The following RNFT2 variants were observed in gnomAD, a reference collection of about 807,000 sequenced individuals.
RNFT2 encodes E3 ubiquitin-protein ligase RNFT2.
In RNFT2, 36 loss-of-function variants were observed where a neutral mutation model predicts 53.0. The ratio of observed to expected loss-of-function variants is 0.68; its 90% CI spans 0.52 to 0.90. RNFT2 has a LOEUF of 0.90. Ranked by LOEUF, RNFT2 falls within the 40% of genes least tolerant of loss-of-function variation. The probability of loss-of-function intolerance (pLI) is 0.00; values close to 1 mark genes in which losing one functional copy is unlikely to be tolerated. For missense variants in RNFT2, 514 were observed against 585.6 expected, an observed-to-expected ratio of 0.88 and a Z score of 1.26; for synonymous variants, 260 against 253.2, an observed-to-expected ratio of 1.03 and a Z score of -0.26.
chr12:116,788,737 G>A (rs1874053498), intron 7 of RNFT2, among the ~76,000 whole-genome samples: 1 of 152,162 alleles, frequency 6.6e-6, no homozygotes, highest in African/African-American at 2.4e-5. Context: ...ATGTGTGTTT[G>A]AGTGGGTAGA....
At chr12:116,790,692 C>T (rs1237742657) in intron 7 of RNFT2, among the ~76,000 whole-genome samples, 1 of 152,196 alleles carries the variant, frequency 6.6e-6, no homozygotes, top group Non-Finnish European at 1.5e-5. Context: ...CTCAATGGCT[C>T]ATGCCTGTTA....
chr12:116,746,921 T>C (rs1440506217), intron 3 of RNFT2, among the ~76,000 whole-genome samples: 3 of 152,162 alleles, frequency 2.0e-5, no homozygotes, highest in Non-Finnish European at 4.4e-5. Flanking sequence ...GATATGATAA[T>C]ATGCAGCTGC....
At chr12:116,752,699 G>A (rs931365546) in intron 4 of RNFT2, among the ~76,000 whole-genome samples, 2 of 152,114 alleles carry the variant, frequency 1.3e-5, no homozygotes, top group African/African-American at 4.8e-5. Context: ...CCAACATGGT[G>A]AAACCCCATC....
intron 3 of RNFT2, among the ~76,000 whole-genome samples, chr12:116,746,038 A>C (rs951440722): frequency 5.9e-5 from 9 of 152,162 alleles, no homozygotes; most frequent in African/African-American, 2.2e-4. Context: ...GGAGTTCGAG[A>C]CCAGCTTGGC....
chr12:116,835,586 T>C lies in RNFT2; in HGVS notation c.1033-374T>C, dbSNP rs183778112. ...CAGCCATTGGGGCATACTGATTACTTGCTGGTTCTGATCAACACAGTGGCT... is the reference window on the plus strand; with the variant it reads ...CAGCCATTGGGGCATACTGATTACTCGCTGGTTCTGATCAACACAGTGGCT... On this transcript the variant is annotated intron_variant, in intron 8 of 10. Coordinates refer to ENST00000257575, the MANE Select transcript of RNFT2 (RefSeq NM_001382266.1). Among the ~76,000 whole-genome samples the C allele has an allele frequency of 2.2e-3, 339 of 152,280 alleles. 1 individual carries two copies. The highest frequency in any genetic ancestry group is 3.9e-3 in the Non-Finnish European group (262 of 68,026).
chr12:116,842,505 A>G (rs1048444345), intron 10 of RNFT2, among the ~76,000 whole-genome samples: 1 of 152,214 alleles, frequency 6.6e-6, no homozygotes, highest in African/African-American at 2.4e-5. Context: ...CTGGGGTGCA[A>G]TTATGCACAT....
intron 8 of RNFT2, 28 bp downstream of exon 8, chr12:116,833,969 G>C: frequency 6.4e-7 from 1 of 1,563,576 alleles, no homozygotes. Context: ...CTGGAGGGCC[G>C]GCCTAAGGAG....
At chr12:116,766,723 CAA>C in intron 5 of RNFT2, 89 bp from the exon 6 acceptor site, 1 of 977,422 alleles carries the variant, frequency 1.0e-6, no homozygotes, top group Non-Finnish European at 1.6e-6. Flanking sequence ...AAAATGTTGA[CAA>C]AGTGAAAAGC....
chr12:116,828,383 C>G (rs749728040), intron 7 of RNFT2, among the ~76,000 whole-genome samples: 2 of 152,212 alleles, frequency 1.3e-5, no homozygotes, highest in Non-Finnish European at 2.9e-5. Context: ...ATGGCTCACA[C>G]TTTGGGTGGC....
chr12:116,834,009 G>C (rs1033864501), intron 8 of RNFT2, 68 bp downstream of exon 8: 2 of 1,411,126 alleles, frequency 1.4e-6, no homozygotes, highest in African/African-American at 3.0e-5. Flanking sequence ...GCCTCAGGGG[G>C]CTCCTGGGCA....
chr12:116,743,661 C>T (rs1871754939), intron 3 of RNFT2, among the ~76,000 whole-genome samples: 1 of 152,184 alleles, frequency 6.6e-6, no homozygotes, highest in Non-Finnish European at 1.5e-5. Context: ...CCTGTCCTAG[C>T]ACATACATCC....
At chr12:116,747,226 T>C (rs981898107) in intron 3 of RNFT2, among the ~76,000 whole-genome samples, 7 of 152,092 alleles carry the variant, frequency 4.6e-5, no homozygotes, top group Admixed American at 1.3e-4. Flanking sequence ...CTGGCTACTT[T>C]TTAATTTTTT....
At chr12:116,837,374 G>A (rs1469673838) in intron 10 of RNFT2, among the ~76,000 whole-genome samples, 5 of 152,104 alleles carry the variant, frequency 3.3e-5, no homozygotes, top group Non-Finnish European at 4.4e-5. Context: ...AGAGATTCAT[G>A]CAGTGTCTCG....
intron 5 of RNFT2, among the ~76,000 whole-genome samples, chr12:116,762,740 T>C (rs1872738198): frequency 6.6e-6 from 1 of 151,774 alleles, no homozygotes; most frequent in South Asian, 2.1e-4. Flanking sequence ...GCCTCCTGAG[T>C]AGCTGAGATT....
At chr12:116,832,148 A>ATATATATATATATATATATATATATAT (rs56674314) in intron 7 of RNFT2, among the ~76,000 whole-genome samples, 1 of 55,176 alleles carries the variant, frequency 1.8e-5, no homozygotes, top group African/African-American at 7.0e-5. Context: ...AAAAAAAAAA[A>ATATATATATATATATATATATATATAT]ATATATATAT....
chr12:116,759,963 G>A (rs964395919), intron 5 of RNFT2, among the ~76,000 whole-genome samples: 1 of 152,132 alleles, frequency 6.6e-6, no homozygotes, highest in Admixed American at 6.6e-5. Context: ...GGGTAGGAGG[G>A]AAGGACCATC....
chr12:116,841,023 A>C (rs751803131), intron 10 of RNFT2, among the ~76,000 whole-genome samples: 1 of 152,188 alleles, frequency 6.6e-6, no homozygotes, highest in African/African-American at 2.4e-5. Context: ...CAGATTCCCT[A>C]TAATGAGTAA....
chr12:116,765,989 G>A (rs1296475743), intron 5 of RNFT2, among the ~76,000 whole-genome samples: 2 of 152,130 alleles, frequency 1.3e-5, no homozygotes, highest in East Asian at 1.9e-4. Flanking sequence ...CTGAATGTTT[G>A]CATTTAAAAA....
At chr12:116,790,121 A>G (rs1027572178) in intron 7 of RNFT2, among the ~76,000 whole-genome samples, 5 of 152,216 alleles carry the variant, frequency 3.3e-5, no homozygotes, top group African/African-American at 1.2e-4. Context: ...ATGAAGACAC[A>G]AAAACCTATA....
Sources: allele counts gnomAD v4.1 joint callset (sites outside exome capture counted in the v4.1 genomes callset), GRCh38; gene constraint gnomAD v4.1.1; transcripts MANE v1.5; gene names NCBI Gene and HGNC (gene_info 2026-07-23, HGNC 2026-07-21).